The following ADPRHL1 variants were observed in gnomAD, a reference collection of about 807,000 sequenced individuals.
The protein encoded by ADPRHL1 is ADP-ribosylhydrolase like 1.
A neutral mutation model predicts 44.1 loss-of-function variants in ADPRHL1; 43 were observed. The observed-to-expected ratio is 0.98, with a 90% CI of 0.76 to 1.26. ADPRHL1 has a LOEUF of 1.26. Among genes scored for constraint, ADPRHL1 ranks in the 50% most tolerant of loss-of-function variants. The probability of loss-of-function intolerance (pLI) is 0.00; values close to 1 mark genes in which losing one functional copy is unlikely to be tolerated. For missense variants in ADPRHL1, 2,022 were observed against 2,496.9 expected (o/e 0.81, Z 4.05); for synonymous variants, 878 against 1,017.4 (o/e 0.86, Z 2.61).
chr13:113,424,385 A>C (rs759538373), intron 5 of ADPRHL1, 36 bp from the exon 6 acceptor site: 2 of 1,611,704 alleles, frequency 1.2e-6, no homozygotes, highest in East Asian at 4.5e-5. Context: ...CGTGTGCCCA[A>C]GTGGAGCCAC....
At chr13:113,443,666 T>C (rs898773447) in intron 2 of ADPRHL1, among the ~76,000 whole-genome samples, 1 of 151,738 alleles carries the variant, frequency 6.6e-6, no homozygotes, top group Non-Finnish European at 1.5e-5. Context: ...AAAGCTTCGC[T>C]GGGCATGGTG....
chr13:113,412,028 G>GAACCTGCGGGTGGTTCCTTC (rs2043855898), intron 7 of ADPRHL1, among the ~76,000 whole-genome samples: 1 of 152,154 alleles, frequency 6.6e-6, no homozygotes, highest in Admixed American at 6.5e-5. Context: ...TGGGTTCCTT[G>GAACCTGCGGGTGGTTCCTTC]AACCTGCGGG....
Position 113,408,155 on chromosome 13 carries a change from A to G in ADPRHL1, c.1127T>C (p.Met376Thr). The G allele has an allele frequency of 8.1e-7, 1 of 1,232,030 alleles. No individual in the cohort carries two copies. The highest frequency in any genetic ancestry group is 4.2e-5 in the Admixed American group (1 of 23,726). 76.3% of individuals were successfully genotyped at this position (1,232,030 alleles called of 1,614,324 possible). ...GGCCGGGTCACAGGCCAGCTTGCCC[A>G]TCTTCTTCTTCAGGGTTTGGGCGTC... is the stretch of plus-strand genomic sequence containing the variant. ...SVDAQTLKKK[M>T]GKLACDPAAH... The change falls in exon 8 of 8, where the codon ATG (methionine) becomes ACG (threonine). Residue 376 changes from methionine (M) to threonine (T), a missense_variant. By Grantham distance (81) the Met-to-Thr change is moderately conservative. Coordinates refer to ENST00000612156, the MANE Select transcript of ADPRHL1 (RefSeq NM_001394807.1).
chr13:113,433,375 A>G (rs1374509086), intron 3 of ADPRHL1, among the ~76,000 whole-genome samples: 1 of 152,228 alleles, frequency 6.6e-6, no homozygotes, highest in African/African-American at 2.4e-5. Flanking sequence ...TCTGACACAA[A>G]TGATACCAAA....
rs1422449751 is a variant in ADPRHL1, at chr13:113,404,409, G to A, written c.4873C>T (p.Gln1625Ter). ...QAQWQTQIKA[Q>*]KWAQEQTQKG... ...TGGGTCTGTTCCTGAGCCCATTTCT[G>A]GGCCTTTATCTGGGTCTGCCACTGG... The change falls in exon 8 of 8, where the codon CAG becomes TAG. Residue 1625 changes from glutamine to a stop codon, truncating the protein, a stop_gained. Transcript: ENST00000612156. LOFTEE classifies it low-confidence loss of function (END_TRUNC). 7.5e-7 allele frequency: 1 copy of A among 1,325,576 alleles called. No homozygotes were observed. Among genetic ancestry groups the A allele is most frequent in the East Asian group, 3.0e-5 (1 of 32,834 alleles). 82.1% of individuals were successfully genotyped at this position (1,325,576 alleles called of 1,614,324 possible). A position where few individuals can be genotyped will look rare whatever the true frequency, so the allele number is the denominator to read the frequency against.
chr13:113,409,811 C>T lies in ADPRHL1; in HGVS notation c.1062-1591G>A. The T allele has an allele frequency of 1.4e-6, 1 of 726,946 alleles. No homozygotes were observed. Among genetic ancestry groups the T allele is most frequent in the Non-Finnish European group, 1.7e-6 (1 of 596,654 alleles). The allele number at this position is 726,946 out of a possible 1,614,324, so 45.0% of individuals were successfully genotyped here. A position where few individuals can be genotyped will look rare whatever the true frequency, so the allele number is the denominator to read the frequency against. On this transcript the variant is annotated intron_variant, in intron 7 of 7. Transcript: ENST00000612156. The surrounding 1 kb of genome is among the most constrained non-coding windows in gnomAD (Gnocchi z 4.2). ...GGCTGAGGCAGGCGAATGGCGTGAA[C>T]CCAGGAGGCAGAGCTTGCAGTGAGC...
rs372287148 is a variant in ADPRHL1 at position 113,412,010 on chromosome 13, G to T, written c.1062-3790C>A. ...CCCTCGTGGTAGCCCCAGAGGTGCT[G>T]CTGTCTTTGGGTTCCTTGAACCTGC... On this transcript the variant is annotated intron_variant, in intron 7 of 7. Transcript: ENST00000612156. 6.6e-5 allele frequency among the ~76,000 whole-genome samples: 10 copies of T among 152,302 alleles called. No individual in the cohort carries two copies. The East Asian group carries it at 1.9e-3, about 29-fold the overall frequency.
chr13:113,435,355 C>T (rs1393572425), intron 2 of ADPRHL1, among the ~76,000 whole-genome samples: 2 of 137,242 alleles, frequency 1.5e-5, no homozygotes, highest in African/African-American at 5.8e-5. Flanking sequence ...TGACCCAGCA[C>T]CCAGGCGTAG....
intron 1 of ADPRHL1, among the ~76,000 whole-genome samples, chr13:113,446,004 G>A (rs1229046466): frequency 6.8e-6 from 1 of 146,432 alleles, no homozygotes; most frequent in African/African-American, 2.6e-5. Flanking sequence ...ACACCCCCCA[G>A]AGAGAGTGCT....
chr13:113,428,963 C>T lies in ADPRHL1; in HGVS notation c.635G>A (p.Arg212Gln), dbSNP rs1313902559. The change falls in exon 4 of 8, where the codon CGG becomes CAG. Residue 212 changes from arginine (R) to glutamine (Q), a missense_variant. Arg to Gln is a conservative substitution (Grantham distance 43). Coordinates refer to ENST00000612156, the MANE Select transcript of ADPRHL1 (RefSeq NM_001394807.1). ...GGGGAGCGGCTCACCTGCCGTGTGC[C>T]GGATGGTCTTCCTGCAGTACTCTTC... ...LAEEYCRKTI[R>Q]HTAEYQEHWF... The T allele has an allele frequency of 1.6e-5, 26 of 1,612,618 alleles. No individual in the cohort carries two copies. The highest frequency in any genetic ancestry group is 2.2e-5 in the East Asian group (1 of 44,872).
In ADPRHL1 at chr13:113,407,238, GTCTTTGGGGC is replaced by G. The variant is rs932770573; in HGVS notation, c.2034_2043del (p.Glu678AspfsTer9). On this transcript the variant is annotated frameshift_variant, in exon 8 of 8. Transcript: ENST00000612156. LOFTEE classifies it low-confidence loss of function (END_TRUNC). ...GTCACGGGCTTCGAGGGCCTTGGCT[GTCTTTGGGGC>G]TCCTCCTCCAGGGGCCCCTTTCCCA... The G allele has an allele frequency of 1.6e-6, 2 of 1,232,136 alleles. No homozygotes were observed. The highest frequency in any genetic ancestry group is 3.1e-5 in the African/African-American group (2 of 64,434). 76.3% of individuals were successfully genotyped at this position (1,232,136 alleles called of 1,614,324 possible). A position where few individuals can be genotyped will look rare whatever the true frequency, so the allele number is the denominator to read the frequency against.
In ADPRHL1 at chr13:113,406,060, T is replaced by C. The variant is rs996128828; in HGVS notation, c.3222A>G (p.Leu1074=). The change falls in exon 8 of 8, where the codon CTA becomes CTG. Residue 1074 remains leucine (L), a synonymous_variant. Coordinates refer to ENST00000612156, the MANE Select transcript of ADPRHL1 (RefSeq NM_001394807.1). ...GALEECRRPL[L]IESSQPLKAA... The stretch of plus-strand genomic sequence containing the variant: ...CCTTCAGGGGCTGAGAAGACTCTAT[T>C]AGCAGCGGCCTTCTGCATTCCTCCA... 8.9e-6 allele frequency: 11 copies of C among 1,232,184 alleles called. No homozygotes were observed. Among genetic ancestry groups the C allele is most frequent in the Middle Eastern group, 3.1e-4 (1 of 3,214 alleles). The allele number at this position is 1,232,184 out of a possible 1,614,324, so 76.3% of individuals were successfully genotyped here.
At position 113,409,504 on chromosome 13, in the gene ADPRHL1, C is replaced by T. The variant is rs754159047; in HGVS notation, c.1062-1284G>A. ...ACTCCAGGGCGGCCGCACAATGGCA[C>T]GTCCACATTTGTGGGAGAAGAGTCG... On this transcript the variant is annotated intron_variant, in intron 7 of 7. Coordinates refer to ENST00000612156, the MANE Select transcript of ADPRHL1 (RefSeq NM_001394807.1). The surrounding 1 kb of genome is among the most constrained non-coding windows in gnomAD (Gnocchi z 4.2). 3.6e-5 allele frequency: 35 copies of T among 985,306 alleles called. No homozygotes were observed. Among genetic ancestry groups the T allele is most frequent in the Middle Eastern group, 5.2e-4 (1 of 1,936 alleles). 61.0% of individuals were successfully genotyped at this position (985,306 alleles called of 1,614,324 possible).
chr13:113,408,241 T>C, intron 7 of ADPRHL1, 21 bp from the exon 8 acceptor site: 1 of 1,231,892 alleles, frequency 8.1e-7, no homozygotes, highest in Non-Finnish European at 1.0e-6. Flanking sequence ...AAAGGAATCA[T>C]CACCTACTTC....
chr13:113,429,405 C>G (rs1054152823), intron 3 of ADPRHL1, among the ~76,000 whole-genome samples: 2 of 152,244 alleles, frequency 1.3e-5, no homozygotes, highest in African/African-American at 2.4e-5. Context: ...GCCTGCTCCT[C>G]GTGGGACCGC....
intron 1 of ADPRHL1, among the ~76,000 whole-genome samples, chr13:113,448,420 C>A (rs753431482): frequency 7.2e-6 from 1 of 138,836 alleles, no homozygotes. Context: ...GAGCCGAGAT[C>A]GCGCCACTGT....
At chr13:113,444,368 G>A in intron 2 of ADPRHL1, 57 bp downstream of exon 2, 2 of 1,583,206 alleles carry the variant, frequency 1.3e-6, no homozygotes, top group Non-Finnish European at 1.7e-6. Flanking sequence ...CAGATGGTTA[G>A]GACCGCAGGG....
Position 113,421,737 on chromosome 13 carries a change from A to G in ADPRHL1, c.1061+1089T>C, listed in dbSNP as rs374414947. Among the ~76,000 whole-genome samples the G allele has an allele frequency of 4.3e-4, 65 of 152,242 alleles. 1 individual carries two copies. The East Asian group carries it at 0.011, about 26-fold the overall frequency. ...CATCACCACTTTCCCCTTTCAAATCATCCCATAGAAGAAGACGCCCGTGGG... is the reference window on the plus strand; with the variant it reads ...CATCACCACTTTCCCCTTTCAAATCGTCCCATAGAAGAAGACGCCCGTGGG... On this transcript the variant is annotated intron_variant, in intron 7 of 7. Coordinates refer to ENST00000612156, the MANE Select transcript of ADPRHL1 (RefSeq NM_001394807.1).
chr13:113,424,812 G>GCACCCATCCATTCACCTGTC (rs1246678827), intron 5 of ADPRHL1, among the ~76,000 whole-genome samples: 3 of 5,460 alleles, frequency 5.5e-4, no homozygotes, highest in African/African-American at 2.2e-3. Flanking sequence ...ACCCACCCAT[G>GCACCCATCCATTCACCTGTC]CACCCATCCA....
Sources: allele counts gnomAD v4.1 joint callset (sites outside exome capture counted in the v4.1 genomes callset), GRCh38; gene constraint gnomAD v4.1.1; non-coding constraint Gnocchi (gnomAD v3.1); transcripts MANE v1.5; gene names NCBI Gene and HGNC (gene_info 2026-07-23, HGNC 2026-07-21).